The following C17orf58 variants were observed in gnomAD, a reference collection of about 807,000 sequenced individuals.
C17orf58 encodes chromosome 17 open reading frame 58, also known as UPF0450 protein C17orf58.
C17orf58 carries 5 observed loss-of-function variants against 7.4 expected under a neutral mutation model. The ratio of observed to expected loss-of-function variants is 0.67; its 90% CI spans 0.35 to 1.42. The LOEUF (loss-of-function observed/expected upper bound fraction) is 1.42. C17orf58 is among the 40% of genes most tolerant of loss of function. C17orf58 has a pLI of 0.04. For missense variants in C17orf58, 162 were observed against 174.2 expected (o/e 0.93, Z 0.40); for synonymous variants, 60 against 70.6 (o/e 0.85, Z 0.75).
intron 1 of C17orf58, among the ~76,000 whole-genome samples, chr17:67,995,043 C>A (rs2070880842): frequency 6.6e-6 from 1 of 152,162 alleles, no homozygotes; most frequent in East Asian, 1.9e-4. Context: ...GGTCCCAGTG[C>A]CCTCCAAACA....
At chr17:67,994,516 G>GTATATATATATATATATATATA (rs1555699618) in intron 1 of C17orf58, among the ~76,000 whole-genome samples, 3 of 89,494 alleles carry the variant, frequency 3.4e-5, no homozygotes, top group Admixed American at 2.5e-4. Flanking sequence ...GTGTGTGTGT[G>GTATATATATATATATATATATA]TATATATATA....
intron 1 of C17orf58, among the ~76,000 whole-genome samples, chr17:67,995,398 C>T (rs1555699699): frequency 6.6e-6 from 1 of 152,178 alleles, no homozygotes; most frequent in Admixed American, 6.5e-5. Context: ...GGGTTAAATG[C>T]CACTGAAGTC....
intron 1 of C17orf58, among the ~76,000 whole-genome samples, chr17:67,995,787 C>G (rs1180074131): frequency 2.6e-5 from 4 of 152,338 alleles, no homozygotes; most frequent in East Asian, 3.9e-4. Context: ...GAGCCCGGCC[C>G]GGGCACGGCT....
In C17orf58 at chr17:67,991,881, T is replaced by G; in HGVS notation, c.*32A>C. 6.4e-7 allele frequency: 1 copy of G among 1,555,796 alleles called. No individual in the cohort carries two copies. The highest frequency in any genetic ancestry group is 2.3e-5 in the East Asian group (1 of 43,430). On this transcript the variant is annotated 3_prime_UTR_variant, in exon 4 of 4. Transcript: ENST00000580729. ...ATGTCTTGTTGCCGACGTCCAAGTC[T>G]CTTGCGGTCCAGAAATGCCAGGATG...
Position 67,993,376 on chromosome 17 carries a change from G to C in C17orf58, c.637+48C>G, listed in dbSNP as rs1272895754. 2 of 610,560 alleles carry C rather than the reference G, an allele frequency of 3.3e-6. No individual in the cohort carries two copies. Among genetic ancestry groups the C allele is most frequent in the Non-Finnish European group, 5.7e-6 (2 of 350,928 alleles). 37.8% of individuals were successfully genotyped at this position (610,560 alleles called of 1,614,324 possible). On this transcript the variant is annotated intron_variant, in intron 2 of 3. Transcript: ENST00000580729. The surrounding 1 kb of genome is among the most constrained non-coding windows in gnomAD (Gnocchi z 5.1). ...CTCGCGGGCGGATTCTCCGGGGCTC[G>C]GAAAGGCTCGCGGGGCGGCGGGGCG...
chr17:67,992,299 G>A (rs2070841123), intron 3 of C17orf58, among the ~76,000 whole-genome samples, 196 bp from the exon 4 acceptor site: 1 of 152,136 alleles, frequency 6.6e-6, no homozygotes, highest in African/African-American at 2.4e-5. Flanking sequence ...CCGGTGTGGT[G>A]GCTCACGCCT....
In C17orf58 at chr17:67,993,566, G is replaced by C. The variant is rs1391499692; in HGVS notation, c.495C>G (p.Pro165=). Residue 165 remains proline, a synonymous_variant, in exon 2 of 4, where the codon CCC becomes CCG. Coordinates refer to ENST00000580729, the MANE Select transcript of C17orf58 (RefSeq NM_001382359.1). This position sits in a 1 kb window ranked among gnomAD's most constrained non-coding sequence, Gnocchi z 5.1. The part of the protein sequence containing the change: ...RPRAAALAPG[P]APAPPPRFSL... Reference sequence around the variant, plus strand: ...TGAAGCGCGGCGGCGGCGCGGGCGCGGGTCCCGGGGCCAGCGCGGCGGCGC... The same window carrying C: ...TGAAGCGCGGCGGCGGCGCGGGCGCCGGTCCCGGGGCCAGCGCGGCGGCGC... 3.8e-6 allele frequency: 1 copy of C among 259,932 alleles called. No individual in the cohort carries two copies. The allele number at this position is 259,932 out of a possible 1,614,324, so 16.1% of individuals were successfully genotyped here.
rs2070890513 is a variant in C17orf58, at chr17:67,996,221, C to T, written c.-23G>A. 1 of 398,950 alleles carries T rather than the reference C, an allele frequency of 2.5e-6. No homozygotes were observed. The allele number at this position is 398,950 out of a possible 1,614,324, so 24.7% of individuals were successfully genotyped here. On this transcript the variant is annotated 5_prime_UTR_variant, in exon 1 of 4. Transcript: ENST00000580729. ...CATTTTTGCAGACAGGGTTCCCAGG[C>T]TCTAAAAGTGAGCCTGGTCTTTTGC... is the stretch of plus-strand genomic sequence containing the variant.
At chr17:67,992,136 T>C (rs781795746) in intron 3 of C17orf58, 33 bp from the exon 4 acceptor site, 11 of 1,506,130 alleles carry the variant, frequency 7.3e-6, no homozygotes, top group Non-Finnish European at 9.8e-6. Flanking sequence ...TAATTCATAG[T>C]GTCTTTTAAA....
chr17:67,993,513 T>G lies in C17orf58; in HGVS notation c.548A>C (p.Gln183Pro). Residue 183 changes from glutamine to proline, a missense_variant, in exon 2 of 4, where the codon CAG becomes CCG. Transcript: ENST00000580729. The surrounding 1 kb of genome is among the most constrained non-coding windows in gnomAD (Gnocchi z 5.1). ...CTCAGCGCCGGGCTCCGCGTCCCTC[T>G]GCGGCGGGCTGAGGCCGAAGCTGAG... The part of the protein sequence containing the change: ...FSLSFGLSPP[Q>P]RDAEPGAEPC... 1 of 384,788 alleles carries G rather than the reference T, an allele frequency of 2.6e-6. No individual in the cohort carries two copies. Among genetic ancestry groups the G allele is most frequent in the Non-Finnish European group, 4.6e-6 (1 of 218,312 alleles). 23.8% of individuals were successfully genotyped at this position (384,788 alleles called of 1,614,324 possible). A position where few individuals can be genotyped will look rare whatever the true frequency, so the allele number is the denominator to read the frequency against.
In C17orf58 at chr17:67,993,851, G is replaced by A; in HGVS notation, c.210C>T (p.Arg70=). The A allele has an allele frequency of 5.9e-6, 2 of 336,508 alleles. 1 individual carries two copies. Among genetic ancestry groups the A allele is most frequent in the East Asian group, 9.6e-5 (2 of 20,808 alleles). The allele number at this position is 336,508 out of a possible 1,614,324, so 20.8% of individuals were successfully genotyped here. ...TCCGGCGGCGCGGGTCAGGCCAGGC[G>A]CGGGCGGCGGGAGCGACCTCGGCCG... ...PRAAEVAPAA[R]AWPDPRRRKP... The change falls in exon 2 of 4, where the codon CGC becomes CGT. Residue 70 remains arginine (R), a synonymous_variant. Coordinates refer to ENST00000580729, the MANE Select transcript of C17orf58 (RefSeq NM_001382359.1). This position sits in a 1 kb window ranked among gnomAD's most constrained non-coding sequence, Gnocchi z 5.1.
In C17orf58 at chr17:67,991,979, A is replaced by T. The variant is rs1555699292; in HGVS notation, c.954T>A (p.Tyr318Ter). The T allele has an allele frequency of 6.2e-7, 1 of 1,613,058 alleles. No individual in the cohort carries two copies. Among genetic ancestry groups the T allele is most frequent in the Non-Finnish European group, 8.5e-7 (1 of 1,179,576 alleles). Residue 318 changes from tyrosine (Y) to a stop codon, truncating the protein, a stop_gained, in exon 4 of 4, where the codon TAT (tyrosine) becomes TAA (stop). Coordinates refer to ENST00000580729, the MANE Select transcript of C17orf58 (RefSeq NM_001382359.1). LOFTEE classifies it high-confidence loss of function. ...CCCTTTTTCGATTAAACCTTTTCAC[A>T]TAGCTGCTGCTGCTCCTTAGCAGTC... ...GDGLLRSSSS[Y>*]VKRFNRKREG... is the part of the protein sequence containing the mutation.
chr17:67,996,075 C>T (rs567538200), intron 1 of C17orf58, 48 bp downstream of exon 1: 2 of 398,984 alleles, frequency 5.0e-6, no homozygotes, highest in Non-Finnish European at 4.4e-6. Flanking sequence ...AGCTCCCCCC[C>T]ACAGATCCCC....
At chr17:67,994,535 T>TAAAA (rs1296094991) in intron 1 of C17orf58, among the ~76,000 whole-genome samples, 25 of 100,284 alleles carry the variant, frequency 2.5e-4, no homozygotes, top group East Asian at 4.6e-4. Flanking sequence ...TATATATATA[T>TAAAA]AAAACATATA....
rs1232694636 is a variant in C17orf58 at position 67,993,812 on chromosome 17, C to A, written c.249G>T (p.Pro83=). 30 of 269,878 alleles carry A rather than the reference C, an allele frequency of 1.1e-4. No homozygotes were observed. Among genetic ancestry groups the A allele is most frequent in the African/African-American group, 6.9e-4 (29 of 42,066 alleles). The allele number at this position is 269,878 out of a possible 1,614,324, so 16.7% of individuals were successfully genotyped here. A position where few individuals can be genotyped will look rare whatever the true frequency, so the allele number is the denominator to read the frequency against. The change falls in exon 2 of 4, where the codon CCG becomes CCT. Residue 83 remains proline, a synonymous_variant. Transcript: ENST00000580729. The surrounding 1 kb of genome is among the most constrained non-coding windows in gnomAD (Gnocchi z 5.1). Reference sequence around the variant, plus strand: ...CCCGGAAGCTGGCCTGGTTGTCGGCCGGCGGTGGGGGCTTCCGGCGGCGCG... The same window carrying A: ...CCCGGAAGCTGGCCTGGTTGTCGGCAGGCGGTGGGGGCTTCCGGCGGCGCG... ...PDPRRRKPPP[P]ADNQASFREA...
chr17:67,992,055 A>G lies in C17orf58; in HGVS notation c.878T>C (p.Leu293Pro). 2 of 1,609,502 alleles carry G rather than the reference A, an allele frequency of 1.2e-6. No individual in the cohort carries two copies. Among genetic ancestry groups the G allele is most frequent in the South Asian group, 1.1e-5 (1 of 89,860 alleles). The stretch of plus-strand genomic sequence containing the variant: ...CAGGACCTGGAGCAGAGCTGTAGGG[A>G]GCTGCCGTCTCTTATGGTAGATGTG... ...MGHIYHKRRQ[L>P]PTALLQVLRG... Residue 293 changes from leucine (L) to proline (P), a missense_variant, in exon 4 of 4, where the codon CTC becomes CCC. By Grantham distance (98) the Leu-to-Pro change is moderately conservative. Transcript: ENST00000580729.
Position 67,992,857 on chromosome 17 carries a change from T to C in C17orf58, c.829+187A>G. 7.5e-6 allele frequency: 12 copies of C among 1,590,476 alleles called. No individual in the cohort carries two copies. The South Asian group carries it at 1.4e-4, about 18-fold the overall frequency. On this transcript the variant is annotated intron_variant, in intron 3 of 3. Transcript: ENST00000580729. Reference sequence around the variant, plus strand: ...CCCTTGCTGTTCTCACCCTTGAGGGTGGGGGCTGACAGGGCTTAAATCACA... The same window carrying C: ...CCCTTGCTGTTCTCACCCTTGAGGGCGGGGGCTGACAGGGCTTAAATCACA...
Position 67,991,948 on chromosome 17 carries a change from G to A in C17orf58, c.985C>T (p.Gln329Ter). 6.2e-7 allele frequency: 1 copy of A among 1,612,884 alleles called. No homozygotes were observed. The change falls in exon 4 of 4, where the codon CAG (glutamine) becomes TAG (stop). Residue 329 changes from glutamine to a stop codon, truncating the protein, a stop_gained. Coordinates refer to ENST00000580729, the MANE Select transcript of C17orf58 (RefSeq NM_001382359.1). LOFTEE classifies it high-confidence loss of function. Reference sequence around the variant, plus strand: ...TGGGTATGAATTGCACCTTGAATCTGCCCTTCCCTTTTTCGATTAAACCTT... The same window carrying A: ...TGGGTATGAATTGCACCTTGAATCTACCCTTCCCTTTTTCGATTAAACCTT... ...VKRFNRKREGQIQGAIHTQCI is the reference protein window; with the variant it reads ...VKRFNRKREG
In C17orf58 at chr17:67,993,025, T is replaced by C. The variant is rs557376202; in HGVS notation, c.829+19A>G. The C allele has an allele frequency of 3.1e-6, 5 of 1,614,166 alleles. No homozygotes were observed. In the South Asian group the frequency reaches 3.3e-5, roughly 11 times the overall value. ...GGTATAAAGTACATATGCAGCGTCA[T>C]TCAGGTCAGTTTCAATACCAGGTTT... On this transcript the variant is annotated intron_variant, in intron 3 of 3. Coordinates refer to ENST00000580729, the MANE Select transcript of C17orf58 (RefSeq NM_001382359.1). This position sits in a 1 kb window ranked among gnomAD's most constrained non-coding sequence, Gnocchi z 5.1.
Sources: allele counts gnomAD v4.1 joint callset (sites outside exome capture counted in the v4.1 genomes callset), GRCh38; gene constraint gnomAD v4.1.1; non-coding constraint Gnocchi (gnomAD v3.1); transcripts MANE v1.5; gene names NCBI Gene and HGNC (gene_info 2026-07-23, HGNC 2026-07-21).